Variants in CDH18 observed in about 807,000 individuals in gnomAD.
The protein encoded by CDH18 is cadherin-18.
In CDH18, 31 loss-of-function variants were observed where a neutral mutation model predicts 67.9. The ratio of observed to expected loss-of-function variants is 0.46; its 90% CI spans 0.34 to 0.62. The LOEUF (loss-of-function observed/expected upper bound fraction) is 0.62. Among genes scored for constraint, CDH18 ranks in the 20% least tolerant of loss-of-function variants. CDH18 has a pLI of 0.01. For synonymous variants in CDH18, 362 were observed against 347.2 expected, an observed-to-expected ratio of 1.04 and a Z score of -0.48; for missense variants, 890 against 975.5, an observed-to-expected ratio of 0.91 and a Z score of 1.17.
At position 19,515,761 on chromosome 5, in the gene CDH18, G is replaced by A. The variant is rs188604107; in HGVS notation, c.1512+4896C>T. On this transcript the variant is annotated intron_variant, in intron 10 of 12. Coordinates refer to ENST00000382275, the MANE Select transcript of CDH18 (RefSeq NM_004934.5). ...TAAGAAGATTTTGGGCTGAGACAAT[G>A]GGGTTTTCTAAATATACAATCATGT... Among the ~76,000 whole-genome samples the A allele has an allele frequency of 3.1e-3, 475 of 152,228 alleles. 8 individuals carry two copies. The highest frequency in any genetic ancestry group is 0.011 in the African/African-American group (454 of 41,522).
chr5:19,792,532 A>C (rs1259346135), intron 3 of CDH18, among the ~76,000 whole-genome samples: 1 of 152,098 alleles, frequency 6.6e-6, no homozygotes, highest in Non-Finnish European at 1.5e-5. Context: ...GCAAATTCCC[A>C]CAGTAAATCT....
intron 5 of CDH18, among the ~76,000 whole-genome samples, chr5:19,621,072 G>A (rs1750611225): frequency 6.6e-6 from 1 of 152,044 alleles, no homozygotes; most frequent in Non-Finnish European, 1.5e-5. Flanking sequence ...TTCACAATAG[G>A]TTTACCTGTG....
intron 1 of CDH18, among the ~76,000 whole-genome samples, chr5:20,537,006 G>A (rs1241493829): frequency 6.6e-6 from 1 of 152,014 alleles, no homozygotes; most frequent in Non-Finnish European, 1.5e-5. Flanking sequence ...TATGTGGGAG[G>A]GTGGACTTGT....
At chr5:20,003,440 T>C (rs1250455725) in intron 2 of CDH18, among the ~76,000 whole-genome samples, 2 of 152,100 alleles carry the variant, frequency 1.3e-5, no homozygotes, top group Non-Finnish European at 2.9e-5. Flanking sequence ...AACACAGACT[T>C]CAAATGGGCA....
intron 1 of CDH18, among the ~76,000 whole-genome samples, chr5:20,282,222 C>T (rs371463952): frequency 6.6e-6 from 1 of 152,068 alleles, no homozygotes; most frequent in African/African-American, 2.4e-5. Flanking sequence ...TCCTGCCTGA[C>T]TGCCCTGGCC....
chr5:20,285,797 C>G (rs545347410), intron 1 of CDH18, among the ~76,000 whole-genome samples: 16 of 151,734 alleles, frequency 1.1e-4, no homozygotes, highest in African/African-American at 3.4e-4. Context: ...TATCACTTCT[C>G]TCAATAAATA....
At chr5:19,634,961 A>G (rs1052744016) in intron 5 of CDH18, among the ~76,000 whole-genome samples, 56 of 151,122 alleles carry the variant, frequency 3.7e-4, no homozygotes, top group Non-Finnish European at 4.4e-4. Context: ...AAGAAAGAAA[A>G]AAAAGAATGT....
chr5:19,609,546 C>G (rs768341217), intron 6 of CDH18, among the ~76,000 whole-genome samples: 180 of 152,100 alleles, frequency 1.2e-3, no homozygotes, highest in South Asian at 2.3e-3. Flanking sequence ...TTTACTACCT[C>G]TCTAACACTT....
At chr5:20,203,903 G>A (rs549053763) in intron 2 of CDH18, among the ~76,000 whole-genome samples, 1 of 151,906 alleles carries the variant, frequency 6.6e-6, no homozygotes, top group Admixed American at 6.6e-5. Context: ...ATCAAGCAGA[G>A]CAAATAATCA....
intron 2 of CDH18, among the ~76,000 whole-genome samples, chr5:20,252,920 A>T (rs897626302): frequency 6.7e-6 from 1 of 149,238 alleles, no homozygotes; most frequent in Non-Finnish European, 1.5e-5. Flanking sequence ...TGGGCAACAG[A>T]GCGAGACTCC....
At chr5:19,639,473 A>T (rs1428276823) in intron 5 of CDH18, among the ~76,000 whole-genome samples, 1 of 152,180 alleles carries the variant, frequency 6.6e-6, no homozygotes, top group Non-Finnish European at 1.5e-5. Context: ...TGTCCCAAAC[A>T]TTCTAGAAAG....
intron 1 of CDH18, among the ~76,000 whole-genome samples, chr5:20,468,886 T>A (rs1751855366): frequency 6.6e-6 from 1 of 152,180 alleles, no homozygotes; most frequent in Non-Finnish European, 1.5e-5. Context: ...AAGGGCTAAA[T>A]TTAAAATACA....
intron 2 of CDH18, among the ~76,000 whole-genome samples, chr5:20,071,050 T>C (rs980661047): frequency 6.6e-6 from 1 of 152,164 alleles, no homozygotes; most frequent in Admixed American, 6.5e-5. Context: ...CTTGAGGCTA[T>C]GAAAACATAT....
At position 19,571,678 on chromosome 5, in the gene CDH18, A is replaced by T; in HGVS notation, c.1154T>A (p.Met385Lys). Residue 385 changes from methionine to lysine, a missense_variant, in exon 8 of 13, where the codon ATG becomes AAG. By Grantham distance (95) the Met-to-Lys change is moderately conservative (BLOSUM62 -1). Transcript: ENST00000382275. ...GTAGACTTCCATGAGGTAGGAAGGC[A>T]TGGAAAATAGTGGTGGTTCATCTAC... ...GDVDEPPLFSMPSYLMEVYEN... is the reference protein window; with the variant it reads ...GDVDEPPLFSKPSYLMEVYEN... The T allele has an allele frequency of 6.2e-7, 1 of 1,613,960 alleles. No individual in the cohort carries two copies. The highest frequency in any genetic ancestry group is 8.5e-7 in the Non-Finnish European group (1 of 1,179,910).
intron 1 of CDH18, among the ~76,000 whole-genome samples, chr5:20,297,170 G>C (rs1221956389): frequency 6.6e-6 from 1 of 152,126 alleles, no homozygotes; most frequent in East Asian, 1.9e-4. Flanking sequence ...AAAAATGTTA[G>C]TATATAAAAA....
chr5:20,551,929 T>C (rs910036407), intron 1 of CDH18, among the ~76,000 whole-genome samples: 2 of 152,148 alleles, frequency 1.3e-5, no homozygotes, highest in Non-Finnish European at 2.9e-5. Context: ...TTTTTTAAAG[T>C]ATTTGAAACC....
chr5:20,544,327 AAC>A (rs1757219538), intron 1 of CDH18, among the ~76,000 whole-genome samples: 1 of 150,782 alleles, frequency 6.6e-6, no homozygotes, highest in East Asian at 1.9e-4. Context: ...AGCACACATA[AAC>A]ACATATATAT....
chr5:19,785,585 C>A (rs539203115), intron 3 of CDH18, among the ~76,000 whole-genome samples: 1 of 136,056 alleles, frequency 7.3e-6, no homozygotes, highest in Non-Finnish European at 1.5e-5. Context: ...ACTCATGAGG[C>A]GGAGGTTGCA....
intron 1 of CDH18, among the ~76,000 whole-genome samples, chr5:20,392,068 A>G (rs1450065455): frequency 6.6e-6 from 1 of 151,922 alleles, no homozygotes; most frequent in Non-Finnish European, 1.5e-5. Context: ...TAAATGTAAT[A>G]CTTGTATTTA....
Sources: gnomAD v4.1 joint callset for allele counts (sites outside exome capture counted in the v4.1 genomes callset) on GRCh38, gnomAD v4.1.1 for gene constraint, MANE v1.5 for transcripts, NCBI Gene and HGNC (gene_info 2026-07-23, HGNC 2026-07-21) for gene names.